ME1: variants seen among roughly 807,000 people sequenced by gnomAD.
ME1 encodes malic enzyme 1.
In ME1, 74 loss-of-function variants were observed where a neutral mutation model predicts 66.4. The ratio of observed to expected loss-of-function variants is 1.11; its 90% CI spans 0.92 to 1.35. The LOEUF (loss-of-function observed/expected upper bound fraction) is 1.35, where lower values mean the gene tolerates loss of function less well. Among genes scored for constraint, ME1 ranks in the 40% most tolerant of loss-of-function variants. ME1 has a pLI of 0.00. For missense variants in ME1, 750 were observed against 694.1 expected (o/e 1.08, Z -0.90); for synonymous variants, 251 against 235.6 (o/e 1.07, Z -0.60).
intron 5 of ME1, among the ~76,000 whole-genome samples, chr6:83,330,653 G>C (rs1768387822): frequency 1.3e-5 from 2 of 152,010 alleles, no homozygotes; most frequent in Non-Finnish European, 2.9e-5. Context: ...TTTCCATTTT[G>C]TTCTATACAA....
At chr6:83,254,148 A>T (rs1790766523) in intron 6 of ME1, among the ~76,000 whole-genome samples, 1 of 152,222 alleles carries the variant, frequency 6.6e-6, no homozygotes, top group Admixed American at 6.5e-5. Flanking sequence ...TTATAATTTC[A>T]AAAGTAGAGA....
chr6:83,413,692 T>C (rs1423338209), intron 1 of ME1, among the ~76,000 whole-genome samples: 2 of 152,180 alleles, frequency 1.3e-5, no homozygotes, highest in Non-Finnish European at 2.9e-5. Flanking sequence ...ATTAAGAGAA[T>C]TGATACTAAT....
chr6:83,233,171 T>A (rs1790335426), intron 9 of ME1, among the ~76,000 whole-genome samples: 1 of 152,144 alleles, frequency 6.6e-6, no homozygotes, highest in African/African-American at 2.4e-5. Flanking sequence ...AAAATGCAAA[T>A]ACTAGGCAAC....
rs143631258 is a variant in ME1, at chr6:83,405,707, TTTG to T, written c.212+2058_212+2060del. Among the ~76,000 whole-genome samples the T allele has an allele frequency of 3.4e-3, 489 of 143,978 alleles. 15 individuals are homozygous for T. Among genetic ancestry groups the T allele is most frequent in the Middle Eastern group, 0.019 (5 of 258 alleles). 94.5% of individuals were successfully genotyped at this position (143,978 alleles called of 152,430 possible). ...AGTACCTAGTTTATTGAGAGTTTTTTTTGTTGTTGTTGTTGTTTTTTTTTTTTT... is the reference window on the plus strand; with the variant it reads ...AGTACCTAGTTTATTGAGAGTTTTTTTTGTTGTTGTTGTTTTTTTTTTTTT... On this transcript the variant is annotated intron_variant, in intron 2 of 13. Transcript: ENST00000369705.
At chr6:83,426,457 GA>G (rs1209698760) in intron 1 of ME1, among the ~76,000 whole-genome samples, 1 of 152,196 alleles carries the variant, frequency 6.6e-6, no homozygotes, top group Non-Finnish European at 1.5e-5. Flanking sequence ...ACATAAGTGG[GA>G]TTCTATGTTA....
At chr6:83,303,440 A>C (rs2128537100) in intron 6 of ME1, among the ~76,000 whole-genome samples, 1 of 152,288 alleles carries the variant, frequency 6.6e-6, no homozygotes, top group East Asian at 1.9e-4. Flanking sequence ...TGAATTATTT[A>C]ACTTGCCAAT....
In ME1 at chr6:83,346,249, G is replaced by A; in HGVS notation, c.524C>T (p.Ala175Val). Residue 175 changes from alanine (A) to valine (V), a missense_variant, in exon 5 of 14, where the codon GCT becomes GTT. Ala to Val is a moderately conservative substitution (Grantham distance 64). Coordinates refer to ENST00000369705, the MANE Select transcript of ME1 (RefSeq NM_002395.6). ...CATCCCTCCGCAAGCTGTATATAGA[G>A]CCAATTTACCCACAGGGATGCCCAT... The part of the protein sequence containing the change: ...NGMGIPVGKL[A>V]LYTACGGMNP... 5.0e-6 allele frequency: 8 copies of A among 1,613,498 alleles called. No individual in the cohort carries two copies. Among genetic ancestry groups the A allele is most frequent in the Non-Finnish European group, 6.8e-6 (8 of 1,179,610 alleles).
chr6:83,360,684 C>T (rs1047126262), intron 3 of ME1, among the ~76,000 whole-genome samples: 1 of 152,188 alleles, frequency 6.6e-6, no homozygotes, highest in African/African-American at 2.4e-5. Flanking sequence ...ATTAGTGCCA[C>T]CATCAAGGAC....
chr6:83,291,951 G>C (rs1337586023), intron 6 of ME1, among the ~76,000 whole-genome samples: 1 of 151,884 alleles, frequency 6.6e-6, no homozygotes, highest in Non-Finnish European at 1.5e-5. Context: ...AGTTCTTGTA[G>C]TGTGCTTTCC....
At chr6:83,269,150 A>G (rs1432795814) in intron 6 of ME1, among the ~76,000 whole-genome samples, 1 of 152,190 alleles carries the variant, frequency 6.6e-6, no homozygotes, top group Non-Finnish European at 1.5e-5. Flanking sequence ...TATGATCCCA[A>G]ATGAAATACT....
At chr6:83,299,690 G>A (rs1767676857) in intron 6 of ME1, among the ~76,000 whole-genome samples, 1 of 152,124 alleles carries the variant, frequency 6.6e-6, no homozygotes, top group Non-Finnish European at 1.5e-5. Context: ...GTTTTCAAGG[G>A]TAATGCTTCC....
intron 5 of ME1, among the ~76,000 whole-genome samples, chr6:83,325,931 CA>C (rs200447931): frequency 0.092 from 11,342 of 122,640 alleles, 576 homozygotes; most frequent in Non-Finnish European, 0.14. Context: ...AAAAAAAACA[CA>C]AAAAAACGAA....
At chr6:83,260,379 C>G (rs967924400) in intron 6 of ME1, among the ~76,000 whole-genome samples, 1 of 152,060 alleles carries the variant, frequency 6.6e-6, no homozygotes, top group African/African-American at 2.4e-5. Flanking sequence ...ATTCATGAAA[C>G]TTTTTCCCTT....
chr6:83,329,696 T>C (rs1351426659), intron 5 of ME1, among the ~76,000 whole-genome samples: 1 of 152,216 alleles, frequency 6.6e-6, no homozygotes, highest in Non-Finnish European at 1.5e-5. Context: ...TTTTCATAAG[T>C]TTATTGACCA....
intron 6 of ME1, among the ~76,000 whole-genome samples, chr6:83,269,740 A>G (rs1767052761): frequency 6.6e-6 from 1 of 152,170 alleles, no homozygotes; most frequent in South Asian, 2.1e-4. Flanking sequence ...AGACTAGGTT[A>G]ATGAGAATTT....
intron 3 of ME1, among the ~76,000 whole-genome samples, chr6:83,369,063 G>C (rs1367458237): frequency 2.0e-5 from 3 of 152,050 alleles, no homozygotes; most frequent in Non-Finnish European, 4.4e-5. Flanking sequence ...TGCAGAATGT[G>C]ACTTTTAAAA....
rs537481851 is a variant in ME1, at chr6:83,375,766, C to T, written c.362+22601G>A. 2.6e-4 allele frequency among the ~76,000 whole-genome samples: 39 copies of T among 152,156 alleles called. 1 individual carries two copies. In the South Asian group the frequency reaches 7.9e-3, roughly 31 times the overall value. The stretch of plus-strand genomic sequence containing the variant: ...GGCTCTTATTATTTTGAGATATGTT[C>T]CATCAATACTTAGTTTGTTGAGAGT... On this transcript the variant is annotated intron_variant, in intron 3 of 13. Transcript: ENST00000369705.
intron 3 of ME1, among the ~76,000 whole-genome samples, chr6:83,367,823 A>G (rs1221722054): frequency 6.6e-6 from 1 of 152,190 alleles, no homozygotes; most frequent in Non-Finnish European, 1.5e-5. Context: ...TATCGTTGGT[A>G]TGTTCATTGG....
intron 9 of ME1, among the ~76,000 whole-genome samples, chr6:83,230,560 T>G (rs1248729646): frequency 2.0e-5 from 3 of 152,170 alleles, no homozygotes; most frequent in African/African-American, 4.8e-5. Context: ...CTAGTTGTTG[T>G]TGCAATTAAA....
Sources: allele counts gnomAD v4.1 joint callset (sites outside exome capture counted in the v4.1 genomes callset), GRCh38; gene constraint gnomAD v4.1.1; transcripts MANE v1.5; gene names NCBI Gene and HGNC (gene_info 2026-07-23, HGNC 2026-07-21).